Variants in DCC observed in about 807,000 individuals in gnomAD.
DCC encodes the protein netrin receptor DCC.
In DCC, 58 loss-of-function variants were observed where a neutral mutation model predicts 172.5. The ratio of observed to expected loss-of-function variants is 0.34; its 90% CI spans 0.27 to 0.42. The LOEUF (loss-of-function observed/expected upper bound fraction) is 0.42. Ranked by LOEUF, DCC falls within the 10% of genes least tolerant of loss-of-function variation. The pLI is 1.00. For missense variants in DCC, 1,740 were observed against 1,791.0 expected (o/e 0.97, Z 0.51); for synonymous variants, 709 against 644.5 (o/e 1.10, Z -1.52).
At chr18:52,956,162 C>T (rs1490023577) in intron 5 of DCC, among the ~76,000 whole-genome samples, 1 of 151,872 alleles carries the variant, frequency 6.6e-6, no homozygotes, top group Non-Finnish European at 1.5e-5. Flanking sequence ...AGGTTTTCTC[C>T]TGTGTTATCT....
intron 1 of DCC, among the ~76,000 whole-genome samples, chr18:52,660,522 G>C (rs955175924): frequency 4.6e-5 from 7 of 152,166 alleles, no homozygotes; most frequent in Non-Finnish European, 1.0e-4. Context: ...ATCTAAAAGA[G>C]AAGAATGAAT....
At chr18:53,174,481 T>C (rs1454776233) in intron 8 of DCC, among the ~76,000 whole-genome samples, 4 of 148,388 alleles carry the variant, frequency 2.7e-5, no homozygotes, top group East Asian at 2.0e-4. Context: ...CAATAAAAAA[T>C]GATAAAGGGG....
chr18:53,430,221 C>T (rs1330542175), intron 21 of DCC, among the ~76,000 whole-genome samples: 3 of 152,094 alleles, frequency 2.0e-5, no homozygotes, highest in South Asian at 2.1e-4. Context: ...GTGCTCAGCA[C>T]CCTTGGAAAG....
chr18:53,304,268 G>A (rs2057174267), intron 12 of DCC, among the ~76,000 whole-genome samples: 1 of 152,072 alleles, frequency 6.6e-6, no homozygotes, highest in South Asian at 2.1e-4. Context: ...GGGGCCTTTT[G>A]CCAGAGAACC....
intron 26 of DCC, among the ~76,000 whole-genome samples, chr18:53,494,378 T>TTCTA (rs1251495197): frequency 6.6e-6 from 1 of 152,220 alleles, no homozygotes; most frequent in East Asian, 1.9e-4. Context: ...CTTGTTAATT[T>TTCTA]TCTATCTCAT....
chr18:52,484,466 GC>G (rs2030112347), intron 1 of DCC, among the ~76,000 whole-genome samples: 1 of 152,032 alleles, frequency 6.6e-6, no homozygotes, highest in Admixed American at 6.6e-5. Context: ...TCCTTGATCA[GC>G]TTCTGATTTT....
intron 25 of DCC, among the ~76,000 whole-genome samples, chr18:53,485,102 T>C (rs2045886064): frequency 6.6e-6 from 1 of 152,022 alleles, no homozygotes; most frequent in African/African-American, 2.4e-5. Context: ...AATACAATTG[T>C]ATTGTATTAG....
chr18:52,499,276 A>G (rs977858684), intron 1 of DCC, among the ~76,000 whole-genome samples: 2 of 152,096 alleles, frequency 1.3e-5, no homozygotes, highest in African/African-American at 4.8e-5. Flanking sequence ...TGAGTCTCCC[A>G]GTTTGTTAAA....
At chr18:53,409,716 C>T (rs1387517019) in intron 19 of DCC, among the ~76,000 whole-genome samples, 1 of 152,118 alleles carries the variant, frequency 6.6e-6, no homozygotes, top group Non-Finnish European at 1.5e-5. Flanking sequence ...TATCCCCTAA[C>T]ACAGAAAATC....
At chr18:52,449,271 T>C (rs1028057099) in intron 1 of DCC, among the ~76,000 whole-genome samples, 8 of 152,196 alleles carry the variant, frequency 5.3e-5, no homozygotes, top group Non-Finnish European at 1.2e-4. Context: ...AAGATGAGAT[T>C]TGGGTGGAGA....
At chr18:53,455,628 G>C (rs1262304758) in intron 23 of DCC, among the ~76,000 whole-genome samples, 1 of 152,214 alleles carries the variant, frequency 6.6e-6, no homozygotes, top group Non-Finnish European at 1.5e-5. Context: ...TATGGGATCT[G>C]CATCATACAA....
At chr18:52,851,444 T>TA (rs1206124054) in intron 2 of DCC, among the ~76,000 whole-genome samples, 6 of 152,092 alleles carry the variant, frequency 3.9e-5, no homozygotes, top group Non-Finnish European at 8.8e-5. Context: ...AAAACTGCAA[T>TA]AAACCACAGT....
chr18:52,742,021 A>T (rs2036829282), intron 1 of DCC, among the ~76,000 whole-genome samples: 2 of 152,308 alleles, frequency 1.3e-5, no homozygotes, highest in Middle Eastern at 3.4e-3. Context: ...GAGACATCTG[A>T]GCTCTCTGTC....
chr18:53,425,298 C>T (rs1910849551), intron 21 of DCC, among the ~76,000 whole-genome samples: 1 of 151,158 alleles, frequency 6.6e-6, no homozygotes, highest in Non-Finnish European at 1.5e-5. Flanking sequence ...TCTTACACCC[C>T]AAGACCAACT....
intron 15 of DCC, among the ~76,000 whole-genome samples, chr18:53,348,586 C>G (rs1346775375): frequency 6.6e-6 from 1 of 152,164 alleles, no homozygotes. Context: ...TATGGGGGCT[C>G]TGATCCCACA....
intron 28 of DCC, 117 bp downstream of exon 28, chr18:53,526,876 G>T: frequency 9.6e-7 from 1 of 1,045,504 alleles, no homozygotes; most frequent in Non-Finnish European, 1.5e-6. Flanking sequence ...GGCCATTGTT[G>T]TTCTTATTGT....
chr18:53,184,494 A>G (rs757045591), intron 9 of DCC, among the ~76,000 whole-genome samples: 8 of 152,124 alleles, frequency 5.3e-5, no homozygotes, highest in East Asian at 1.9e-4. Flanking sequence ...GCTATATGGT[A>G]TAGTCTACTA....
In DCC at chr18:53,317,974, A is replaced by G. The variant is rs190965089; in HGVS notation, c.2054-4073A>G. 7.8e-5 allele frequency among the ~76,000 whole-genome samples: 11 copies of G among 141,150 alleles called. No homozygotes were observed. The East Asian group carries it at 1.3e-3, about 17-fold the overall frequency. The allele number at this position is 141,150 out of a possible 152,430, so 92.6% of individuals were successfully genotyped here. A position where few individuals can be genotyped will look rare whatever the true frequency, so the allele number is the denominator to read the frequency against. ...TTTTTGAAGGGTTTTTTGTGTCTCT[A>G]TCTCCTTCATTTCTGCTCTGATCTT... is the stretch of plus-strand genomic sequence containing the variant. On this transcript the variant is annotated intron_variant, in intron 13 of 28. Transcript: ENST00000442544.
At chr18:52,853,924 T>G (rs1021853629) in intron 2 of DCC, among the ~76,000 whole-genome samples, 13 of 152,218 alleles carry the variant, frequency 8.5e-5, no homozygotes, top group Non-Finnish European at 1.6e-4. Context: ...GAGTCATAGT[T>G]GATATTCAAA....
Sources: gnomAD v4.1 joint callset for allele counts (sites outside exome capture counted in the v4.1 genomes callset) on GRCh38, gnomAD v4.1.1 for gene constraint, MANE v1.5 for transcripts, NCBI Gene and HGNC (gene_info 2026-07-23, HGNC 2026-07-21) for gene names.